The following SMIM36 variants were observed in gnomAD, a reference collection of about 807,000 sequenced individuals.
SMIM36 encodes the protein small integral membrane protein 36.
At position 55,510,311 on chromosome 17, in the gene SMIM36, T is replaced by G. The variant is rs1173379124; in HGVS notation, c.*174+568A>C. Among the ~76,000 whole-genome samples the G allele has an allele frequency of 3.9e-5, 6 of 152,244 alleles. No individual in the cohort carries two copies. The East Asian group carries it at 1.2e-3, about 29-fold the overall frequency. On this transcript the variant is annotated intron_variant, in intron 1 of 4. Transcript: ENST00000636752. Reference sequence around the variant, plus strand: ...TGTTCTGAAGTCTGAACAAGTTCAATGGGGTTGCCTTGACTGGGTGCAGCA... The same window carrying G: ...TGTTCTGAAGTCTGAACAAGTTCAAGGGGGTTGCCTTGACTGGGTGCAGCA...
At chr17:55,462,511 T>G (rs1259630960) in intron 4 of SMIM36, among the ~76,000 whole-genome samples, 1 of 152,092 alleles carries the variant, frequency 6.6e-6, no homozygotes. Flanking sequence ...GAGGCTGAAG[T>G]GGGAGGATCA....
Position 55,501,001 on chromosome 17 carries a change from A to AATAT in SMIM36, c.*174+9877_*174+9878insATAT. Among the ~76,000 whole-genome samples, 4 of 48,482 alleles carry AATAT rather than the reference A, an allele frequency of 8.3e-5. 2 individuals carry two copies. Among genetic ancestry groups the AATAT allele is most frequent in the Non-Finnish European group, 1.5e-4 (4 of 27,224 alleles). The allele number at this position is 48,482 out of a possible 152,430, so 31.8% of individuals were successfully genotyped here. A position where few individuals can be genotyped will look rare whatever the true frequency, so the allele number is the denominator to read the frequency against. On this transcript the variant is annotated intron_variant, in intron 1 of 4. Transcript: ENST00000636752. ...TAATATATTATATATTATAATATGT[A>AATAT]ACATATTATTATATTTTGTAATATA...
chr17:55,501,530 T>C (rs1389907389), intron 1 of SMIM36, among the ~76,000 whole-genome samples: 3 of 116,664 alleles, frequency 2.6e-5, no homozygotes, highest in African/African-American at 1.0e-4. Context: ...TAATATTGTA[T>C]ATAATTATAT....
At chr17:55,487,107 A>C (rs1172203220) in intron 1 of SMIM36, among the ~76,000 whole-genome samples, 1 of 151,972 alleles carries the variant, frequency 6.6e-6, no homozygotes, top group East Asian at 1.9e-4. Context: ...TGGAACAGAA[A>C]ACCAAACACC....
intron 1 of SMIM36, among the ~76,000 whole-genome samples, chr17:55,490,123 C>G (rs917258733): frequency 1.3e-5 from 2 of 151,830 alleles, no homozygotes; most frequent in African/African-American, 4.8e-5. Flanking sequence ...CCAAAGTGCT[C>G]GGATTATAGA....
intron 1 of SMIM36, among the ~76,000 whole-genome samples, chr17:55,497,590 G>A (rs1211124632): frequency 1.3e-5 from 2 of 152,032 alleles, no homozygotes; most frequent in South Asian, 2.1e-4. Context: ...ACACAACCTG[G>A]TGGTGTGCTC....
intron 4 of SMIM36, among the ~76,000 whole-genome samples, chr17:55,454,796 A>C (rs1908986936): frequency 6.6e-6 from 1 of 152,210 alleles, no homozygotes; most frequent in South Asian, 2.1e-4. Context: ...AAAATAATCA[A>C]AACAAATTTA....
the SMIM36 span, among the ~76,000 whole-genome samples, chr17:55,517,478 G>T: frequency 6.6e-6 from 1 of 152,300 alleles, no homozygotes; most frequent in South Asian, 2.1e-4. Context: ...CAGGAGAATC[G>T]CTGGAACCTG....
intron 1 of SMIM36, among the ~76,000 whole-genome samples, chr17:55,495,063 T>C (rs938317224): frequency 2.0e-5 from 3 of 152,214 alleles, no homozygotes; most frequent in Non-Finnish European, 4.4e-5. Context: ...GTTGTGTGCA[T>C]TGATTGTATC....
chr17:55,527,423 A>G, the SMIM36 span, among the ~76,000 whole-genome samples: 1 of 152,132 alleles, frequency 6.6e-6, no homozygotes, highest in African/African-American at 2.4e-5. Flanking sequence ...CAGAAAAAGG[A>G]GGGACTAAGA....
Position 55,505,425 on chromosome 17 carries a change from C to T in SMIM36, c.*174+5454G>A, listed in dbSNP as rs1331973667. ...TGGGATGCAAGGCTGGTTCAATATA[C>T]GCAAATCAATAAATGTAATCCAGCA... On this transcript the variant is annotated intron_variant, in intron 1 of 4. Coordinates refer to ENST00000636752, the Ensembl canonical transcript of SMIM36. Among the ~76,000 whole-genome samples the T allele has an allele frequency of 6.2e-5, 4 of 64,934 alleles. 1 individual carries two copies. The highest frequency in any genetic ancestry group is 1.5e-4 in the Admixed American group (1 of 6,526). 42.6% of individuals were successfully genotyped at this position (64,934 alleles called of 152,430 possible). A position where few individuals can be genotyped will look rare whatever the true frequency, so the allele number is the denominator to read the frequency against.
At chr17:55,481,261 C>A in intron 1 of SMIM36, among the ~76,000 whole-genome samples, 1 of 152,178 alleles carries the variant, frequency 6.6e-6, no homozygotes, top group Non-Finnish European at 1.5e-5. Flanking sequence ...TCTAACAGAA[C>A]TTCTTATGTA....
chr17:55,452,744 A>G (rs939609324), intron 4 of SMIM36, among the ~76,000 whole-genome samples: 3 of 152,238 alleles, frequency 2.0e-5, no homozygotes, highest in African/African-American at 7.2e-5. Context: ...AATAGAAAAA[A>G]TAATGCTGTC....
intron 3 of SMIM36, among the ~76,000 whole-genome samples, chr17:55,469,569 A>C (rs1295945259): frequency 6.6e-6 from 1 of 152,226 alleles, no homozygotes; most frequent in Non-Finnish European, 1.5e-5. Context: ...GGACTTAATT[A>C]ACCTTGCCTT....
At chr17:55,512,241 G>A (rs1014505439), upstream of SMIM36, among the ~76,000 whole-genome samples, 4 of 152,290 alleles carry the variant, frequency 2.6e-5, no homozygotes, top group South Asian at 4.2e-4. Flanking sequence ...GTGAAGACCC[G>A]AAGAGAAAGG....
At chr17:55,450,326 G>A (rs1908888232) in intron 4 of SMIM36, 28 bp from the exon 5 acceptor site, 2 of 152,322 alleles carry the variant, frequency 1.3e-5, no homozygotes, top group South Asian at 4.1e-4. Context: ...AAAAATTTCT[G>A]TTGTTTTAAG....
chr17:55,511,088 G>A (rs957954410), exon 1 of SMIM36: 1 of 398,540 alleles, frequency 2.5e-6, no homozygotes. Flanking sequence ...AGTGGAGCAG[G>A]ATCCCCCAAA....
intron 4 of SMIM36, among the ~76,000 whole-genome samples, chr17:55,452,107 A>AG (rs1197506474): frequency 1.0e-4 from 7 of 69,346 alleles, no homozygotes; most frequent in Non-Finnish European, 2.4e-4. Flanking sequence ...CTCTACAAAA[A>AG]AAAAAAAAAA....
rs1450376065 is a variant in SMIM36 at position 55,490,707 on chromosome 17, G to A, written c.*175-11127C>T. ...CGAAATGCTGTGTTATGAGGACCCA[G>A]GAATACTCGAAGTAGGGTCATATGT... On this transcript the variant is annotated intron_variant, in intron 1 of 4. Transcript: ENST00000636752. 2.0e-5 allele frequency among the ~76,000 whole-genome samples: 3 copies of A among 152,024 alleles called. No homozygotes were observed. The East Asian group carries it at 5.8e-4, about 29-fold the overall frequency.
Sources: gnomAD v4.1 joint callset for allele counts (sites outside exome capture counted in the v4.1 genomes callset) on GRCh38, gnomAD v4.1.1 for gene constraint, MANE v1.5 for transcripts, NCBI Gene and HGNC (gene_info 2026-07-23, HGNC 2026-07-21) for gene names.